The following RRBP1 variants were observed in gnomAD, a reference collection of about 807,000 sequenced individuals.
RRBP1 encodes ribosome binding protein 1, also known as ribosome-binding protein 1.
A neutral mutation model predicts 165.2 loss-of-function variants in RRBP1; 94 were observed. That is an observed-to-expected ratio of 0.57 (90% CI 0.48 to 0.68). The LOEUF is 0.68. Ranked by LOEUF, RRBP1 falls within the 30% of genes least tolerant of loss-of-function variation. The pLI is 0.00. For synonymous variants in RRBP1, 680 were observed against 714.5 expected (o/e 0.95, Z 0.77); for missense variants, 1,676 against 1,763.0 (o/e 0.95, Z 0.88).
chr20:17,671,437 C>G (rs2122496770), intron 2 of RRBP1, among the ~76,000 whole-genome samples: 1 of 152,292 alleles, frequency 6.6e-6, no homozygotes, highest in Middle Eastern at 3.4e-3. Flanking sequence ...CCTGGACTGA[C>G]CCAGGAACAC....
intron 2 of RRBP1, among the ~76,000 whole-genome samples, chr20:17,676,171 T>C (rs1156283641): frequency 6.6e-6 from 1 of 152,216 alleles, no homozygotes; most frequent in Admixed American, 6.5e-5. Context: ...ATTGCGCCAC[T>C]GTACTCCAGC....
intron 3 of RRBP1, among the ~76,000 whole-genome samples, chr20:17,648,575 C>A (rs1481618821): frequency 6.6e-6 from 1 of 152,252 alleles, no homozygotes; most frequent in Non-Finnish European, 1.5e-5. Flanking sequence ...ATGTCAAGAA[C>A]AACCCAATTC....
intron 2 of RRBP1, among the ~76,000 whole-genome samples, chr20:17,662,597 A>G (rs1159257188): frequency 1.3e-5 from 2 of 152,176 alleles, no homozygotes; most frequent in Non-Finnish European, 2.9e-5. Context: ...GGGCAGTGAC[A>G]GTGTGATCCA....
At chr20:17,624,378 G>A (rs535475488) in intron 13 of RRBP1, among the ~76,000 whole-genome samples, 198 bp downstream of exon 13, 3 of 152,320 alleles carry the variant, frequency 2.0e-5, no homozygotes, top group African/African-American at 7.2e-5. Context: ...GCCTCTGTGT[G>A]TCCTAGTGCG....
At chr20:17,618,755 C>G (rs556604624) in intron 19 of RRBP1, 76 bp from the exon 20 acceptor site, 2 of 1,165,894 alleles carry the variant, frequency 1.7e-6, no homozygotes, top group East Asian at 2.4e-5. Context: ...GAGTTAGCGC[C>G]GAAACATAAA....
chr20:17,618,168 CA>C (rs2122243437), intron 20 of RRBP1, among the ~76,000 whole-genome samples: 1 of 152,360 alleles, frequency 6.6e-6, no homozygotes, highest in African/African-American at 2.4e-5. Context: ...TGAGAAAACC[CA>C]CAGAAGGCAC....
Position 17,614,003 on chromosome 20 carries a change from A to T in RRBP1, c.*179T>A, listed in dbSNP as rs1178462975. The T allele has an allele frequency of 1.6e-6, 1 of 639,420 alleles. No homozygotes were observed. The highest frequency in any genetic ancestry group is 1.8e-5 in the African/African-American group (1 of 55,394). 39.6% of individuals were successfully genotyped at this position (639,420 alleles called of 1,614,324 possible). ...CAAATGTGACACAGGTTCATTTACA[A>T]ACTGGGGCTCTGGAAGGTCTACTTC... is the stretch of plus-strand genomic sequence containing the variant. On this transcript the variant is annotated 3_prime_UTR_variant, in exon 25 of 25. Transcript: ENST00000377813.
At chr20:17,628,504 C>G (rs2036077572) in intron 9 of RRBP1, among the ~76,000 whole-genome samples, 1 of 152,210 alleles carries the variant, frequency 6.6e-6, no homozygotes, top group Admixed American at 6.5e-5. Context: ...CCCCTCTGGT[C>G]TGCTCTCCAC....
At chr20:17,626,981 T>C (rs970448939) in intron 11 of RRBP1, among the ~76,000 whole-genome samples, 24 of 152,092 alleles carry the variant, frequency 1.6e-4, no homozygotes, top group Non-Finnish European at 2.9e-4. Context: ...TTTTTCCTGT[T>C]AGAGTTCCTG....
intron 2 of RRBP1, among the ~76,000 whole-genome samples, chr20:17,673,732 A>G (rs1375021579): frequency 2.0e-5 from 3 of 152,268 alleles, no homozygotes; most frequent in Admixed American, 2.0e-4. Flanking sequence ...TTAAAATCAA[A>G]CTGTACAGAA....
chr20:17,617,494 TCTTC>T (rs2035824069), intron 20 of RRBP1, among the ~76,000 whole-genome samples: 1 of 152,222 alleles, frequency 6.6e-6, no homozygotes, highest in Non-Finnish European at 1.5e-5. Context: ...CCCCAGACAT[TCTTC>T]CCTCCCTCTG....
At position 17,616,977 on chromosome 20, in the gene RRBP1, G is replaced by A; in HGVS notation, c.3760-138C>T. 1.5e-5 allele frequency: 11 copies of A among 756,452 alleles called. No individual in the cohort carries two copies. The South Asian group carries it at 1.7e-4, about 12-fold the overall frequency. The allele number at this position is 756,452 out of a possible 1,614,324, so 46.9% of individuals were successfully genotyped here. A position where few individuals can be genotyped will look rare whatever the true frequency, so the allele number is the denominator to read the frequency against. On this transcript the variant is annotated intron_variant, in intron 20 of 24. Coordinates refer to ENST00000377813, the MANE Select transcript of RRBP1 (RefSeq NM_001365613.2). ...CTTCAGGGGACCTGGCTTGGTAACTGTGACCTATGTCTGGCCACCCCCGCC... is the reference window on the plus strand; with the variant it reads ...CTTCAGGGGACCTGGCTTGGTAACTATGACCTATGTCTGGCCACCCCCGCC...
chr20:17,620,573 C>T (rs2035892931), intron 17 of RRBP1, 142 bp downstream of exon 17: 1 of 799,224 alleles, frequency 1.3e-6, no homozygotes, highest in African/African-American at 1.7e-5. Flanking sequence ...GAGCTGTCAT[C>T]CCGCAACTGT....
intron 6 of RRBP1, 53 bp from the exon 7 acceptor site, chr20:17,635,717 C>A: frequency 7.3e-7 from 1 of 1,369,206 alleles, no homozygotes. Context: ...ACACACAGAA[C>A]TGACTTCTGA....
Position 17,625,519 on chromosome 20 carries a change from T to A in RRBP1, c.3047A>T (p.Lys1016Met). 1 of 1,613,738 alleles carries A rather than the reference T, an allele frequency of 6.2e-7. No homozygotes were observed. Among genetic ancestry groups the A allele is most frequent in the South Asian group, 1.1e-5 (1 of 91,076 alleles). ...TGTGCCTGCCGCACTCACATTGTTC[T>A]TCACTTTCTGCTGCTCGACGGCCTC... ...LREAVEQQKV[K>M]NNDLREKNWK... Residue 1016 changes from lysine to methionine, a missense_variant, in exon 12 of 25, where the codon AAG becomes ATG. Transcript: ENST00000377813.
At chr20:17,615,288 G>A (rs562627280) in intron 23 of RRBP1, 143 bp downstream of exon 23, 15 of 634,482 alleles carry the variant, frequency 2.4e-5, no homozygotes, top group Admixed American at 1.6e-4. Context: ...CCCCAGCCCC[G>A]GGTAGTGACA....
chr20:17,614,372 C>A, intron 24 of RRBP1, 152 bp from the exon 25 acceptor site: 1 of 736,444 alleles, frequency 1.4e-6, no homozygotes, highest in South Asian at 1.7e-5. Flanking sequence ...ACCCCTGGGG[C>A]TGGGGGACAG....
rs116853707 is a variant in RRBP1 at position 17,639,932 on chromosome 20, C to G, written c.2184+1865G>C. On this transcript the variant is annotated intron_variant, in intron 5 of 24. Transcript: ENST00000377813. ...AAAAAAAAGAATAAGGTAAACACAT[C>G]GGCTCTGCTCAGGACTCTCAACAGA... is the stretch of plus-strand genomic sequence containing the variant. Among the ~76,000 whole-genome samples the G allele has an allele frequency of 7.3e-3, 1,112 of 151,340 alleles. 19 individuals are homozygous for G. The highest frequency in any genetic ancestry group is 0.052 in the East Asian group (265 of 5,118).
intron 2 of RRBP1, among the ~76,000 whole-genome samples, chr20:17,669,769 AAACGT>A (rs1347505099): frequency 2.0e-5 from 3 of 152,152 alleles, no homozygotes; most frequent in Non-Finnish European, 4.4e-5. Flanking sequence ...TGGTATACGG[AAACGT>A]AACTGATTCC....
Sources: allele counts gnomAD v4.1 joint callset (sites outside exome capture counted in the v4.1 genomes callset), GRCh38; gene constraint gnomAD v4.1.1; transcripts MANE v1.5; gene names NCBI Gene and HGNC (gene_info 2026-07-23, HGNC 2026-07-21).